Variants in AKAP9 observed in about 807,000 individuals in gnomAD.
AKAP9 encodes A-kinase anchoring protein 9, also known as A-kinase anchor protein 9.
A neutral mutation model predicts 488.5 loss-of-function variants in AKAP9; 311 were observed. The ratio of observed to expected loss-of-function variants is 0.64; its 90% confidence interval spans 0.58 to 0.70. The LOEUF is 0.70. Ranked by LOEUF, AKAP9 falls within the 30% of genes least tolerant of loss-of-function variation. The pLI is 0.00. For missense variants in AKAP9, 4,215 were observed against 4,374.5 expected (o/e 0.96, Z 1.03); for synonymous variants, 1,462 against 1,483.5 (o/e 0.99, Z 0.33).
intron 26 of AKAP9, among the ~76,000 whole-genome samples, chr7:92,068,522 T>G (rs1394385527): frequency 1.3e-5 from 2 of 152,078 alleles, no homozygotes; most frequent in Non-Finnish European, 2.9e-5. Context: ...TCCTATTATG[T>G]AGTTTTCTTT....
chr7:92,098,239 TG>T (rs1563143111), intron 43 of AKAP9, 25 bp downstream of exon 43: 2 of 1,413,136 alleles, frequency 1.4e-6, no homozygotes, highest in Non-Finnish European at 2.0e-6. Context: ...AAGTTATTTC[TG>T]AAGCATTGAG....
chr7:91,986,340 C>G (rs1413708372), intron 3 of AKAP9, among the ~76,000 whole-genome samples: 1 of 152,182 alleles, frequency 6.6e-6, no homozygotes, highest in South Asian at 2.1e-4. Context: ...TCCTCCAACC[C>G]CTTACTCTTC....
chr7:91,986,852 G>A (rs1445113796), intron 3 of AKAP9, among the ~76,000 whole-genome samples: 1 of 151,730 alleles, frequency 6.6e-6, no homozygotes, highest in Admixed American at 6.6e-5. Flanking sequence ...AGCTCATGGT[G>A]AGAAATATAT....
At chr7:92,047,439 G>A (rs1028985945) in intron 21 of AKAP9, among the ~76,000 whole-genome samples, 8 of 152,030 alleles carry the variant, frequency 5.3e-5, no homozygotes, top group East Asian at 3.9e-4. Flanking sequence ...GGCTGGTTTC[G>A]AACTCCTGAC....
chr7:92,053,501 A>C (rs1808317004), intron 22 of AKAP9, among the ~76,000 whole-genome samples: 1 of 152,196 alleles, frequency 6.6e-6, no homozygotes, highest in African/African-American at 2.4e-5. Context: ...TGCTGCCAAC[A>C]GTCAAGCATG....
At chr7:91,986,520 C>T (rs1384607722) in intron 3 of AKAP9, among the ~76,000 whole-genome samples, 1 of 152,156 alleles carries the variant, frequency 6.6e-6, no homozygotes, top group East Asian at 1.9e-4. Context: ...TCCTATTTGG[C>T]CTTCTTGGAA....
At chr7:91,982,718 C>T (rs141320916) in intron 3 of AKAP9, among the ~76,000 whole-genome samples, 46 of 152,198 alleles carry the variant, frequency 3.0e-4, no homozygotes, top group Non-Finnish European at 5.1e-4. Context: ...GTAATGGGAT[C>T]GCTGGGTCAG....
intron 17 of AKAP9, 28 bp from the exon 18 acceptor site, chr7:92,040,645 TG>T (rs749593497): frequency 1.3e-4 from 169 of 1,279,936 alleles, no homozygotes; most frequent in East Asian, 2.3e-4. Context: ...ATGGTTGAAT[TG>T]TTTTTTTTTT....
At chr7:91,985,939 G>A (rs138199927) in intron 3 of AKAP9, among the ~76,000 whole-genome samples, 3 of 152,104 alleles carry the variant, frequency 2.0e-5, no homozygotes, top group African/African-American at 7.2e-5. Flanking sequence ...GAGCCACCTC[G>A]CCCAGCCAAT....
rs1814202128 is a variant in AKAP9 at position 92,084,721 on chromosome 7, T to C, written c.8710+18T>C. Reference sequence around the variant, plus strand: ...CTCCAGTGGTAAGTTATATAAATATTTGTAATGTTTGTAGTAGTTGTTTAA... The same window carrying C: ...CTCCAGTGGTAAGTTATATAAATATCTGTAATGTTTGTAGTAGTTGTTTAA... On this transcript the variant is annotated intron_variant, in intron 34 of 49. Coordinates refer to ENST00000356239, the MANE Select transcript of AKAP9 (RefSeq NM_005751.5). 6.2e-7 allele frequency: 1 copy of C among 1,609,266 alleles called. No homozygotes were observed. The highest frequency in any genetic ancestry group is 8.5e-7 in the Non-Finnish European group (1 of 1,176,238).
intron 40 of AKAP9, among the ~76,000 whole-genome samples, chr7:92,095,790 G>C (rs991369447): frequency 3.3e-5 from 5 of 152,110 alleles, no homozygotes; most frequent in African/African-American, 1.2e-4. Flanking sequence ...ATTTTTGCCC[G>C]ATTTTTTATT....
At chr7:92,061,928 A>G (rs1163334793) in intron 23 of AKAP9, among the ~76,000 whole-genome samples, 2 of 152,094 alleles carry the variant, frequency 1.3e-5, no homozygotes, top group Non-Finnish European at 2.9e-5. Context: ...GATTCAGTTC[A>G]CAAGCATCTA....
intron 12 of AKAP9, among the ~76,000 whole-genome samples, chr7:92,018,337 T>C (rs571900075): frequency 6.6e-6 from 1 of 151,182 alleles, no homozygotes; most frequent in South Asian, 2.1e-4. Flanking sequence ...TGAGCTATGA[T>C]TGTGCCACTG....
In AKAP9 at chr7:91,988,297, CAAAAAA is replaced by C. The variant is rs5885797; in HGVS notation, c.352-3838_352-3833del. On this transcript the variant is annotated intron_variant, in intron 3 of 49. Coordinates refer to ENST00000356239, the MANE Select transcript of AKAP9 (RefSeq NM_005751.5). Reference sequence around the variant, plus strand: ...TTGGTGACAGAGCAAGACCCCCTCTCAAAAAAAAAAAAAAAAAAAAAAAAAAAAGCT... The same window carrying C: ...TTGGTGACAGAGCAAGACCCCCTCTCAAAAAAAAAAAAAAAAAAAAAAGCT... Among the ~76,000 whole-genome samples the C allele has an allele frequency of 1.3e-4, 7 of 53,674 alleles. No homozygotes were observed. In the South Asian group the frequency reaches 2.8e-3, roughly 22 times the overall value. The allele number at this position is 53,674 out of a possible 152,430, so 35.2% of individuals were successfully genotyped here.
Position 92,102,445 on chromosome 7 carries a change from CTAT to C in AKAP9, c.11098-146_11098-144del, listed in dbSNP as rs1050829168. 110 of 591,382 alleles carry C rather than the reference CTAT, an allele frequency of 1.9e-4. 1 individual carries two copies. The highest frequency in any genetic ancestry group is 1.7e-3 in the South Asian group (84 of 50,556). 36.6% of individuals were successfully genotyped at this position (591,382 alleles called of 1,614,324 possible). On this transcript the variant is annotated intron_variant, in intron 45 of 49. Coordinates refer to ENST00000356239, the MANE Select transcript of AKAP9 (RefSeq NM_005751.5). ...ACAGTGATAGGAACCTGCCGTTTTA[CTAT>C]TACTACTACTACTACTACTACTACT... is the stretch of plus-strand genomic sequence containing the variant.
At chr7:91,967,392 G>A (rs917145136) in intron 1 of AKAP9, among the ~76,000 whole-genome samples, 6 of 152,168 alleles carry the variant, frequency 3.9e-5, no homozygotes, top group Non-Finnish European at 5.9e-5. Flanking sequence ...CAGACTTAGA[G>A]GAAAGGCTTT....
intron 49 of AKAP9, among the ~76,000 whole-genome samples, chr7:92,109,780 G>A (rs1324050253): frequency 4.6e-5 from 7 of 152,024 alleles, no homozygotes; most frequent in African/African-American, 1.2e-4. Context: ...GTGAAACCCC[G>A]TCTCCACTAA....
chr7:91,953,629 T>G (rs145137092), intron 1 of AKAP9, among the ~76,000 whole-genome samples: 37 of 152,310 alleles, frequency 2.4e-4, no homozygotes, highest in African/African-American at 8.7e-4. Flanking sequence ...ATCATCATTA[T>G]CGTCATTCTG....
intron 12 of AKAP9, among the ~76,000 whole-genome samples, chr7:92,017,677 G>A (rs1431870677): frequency 6.6e-6 from 1 of 152,136 alleles, no homozygotes; most frequent in East Asian, 1.9e-4. Flanking sequence ...GGTGCTTTTT[G>A]ATGTTCAGTT....
Sources: allele counts gnomAD v4.1 joint callset (sites outside exome capture counted in the v4.1 genomes callset), GRCh38; gene constraint gnomAD v4.1.1; transcripts MANE v1.5; gene names NCBI Gene and HGNC (gene_info 2026-07-23, HGNC 2026-07-21).